Variants in BABAM2 observed in about 807,000 individuals in gnomAD.
BABAM2 encodes the protein BRISC and BRCA1-A complex member 2.
BABAM2 carries 31 observed loss-of-function variants against 54.7 expected under a neutral mutation model. That is an observed-to-expected ratio of 0.57 (90% confidence interval 0.43 to 0.77). BABAM2 has a LOEUF of 0.77. BABAM2 is among the 30% of genes least tolerant of loss of function. BABAM2 has a pLI of 0.00. For synonymous variants in BABAM2, 167 were observed against 162.9 expected (o/e 1.03, Z -0.19); for missense variants, 364 against 455.8 (o/e 0.80, Z 1.83).
rs150333563 is a variant in BABAM2, at chr2:28,296,321, C to G, written c.935-2017C>G. On this transcript the variant is annotated intron_variant, in intron 10 of 11. Transcript: ENST00000379624. The stretch of plus-strand genomic sequence containing the variant: ...TCGTATTGTTCCTCTATACTATGAA[C>G]TCTCTGCTTTGGCACCAACAGACAT... Among the ~76,000 whole-genome samples, 6 of 152,310 alleles carry G rather than the reference C, an allele frequency of 3.9e-5. No individual in the cohort carries two copies. In the South Asian group the frequency reaches 1.2e-3, roughly 32 times the overall value.
chr2:28,238,489 A>G (rs1682120910), intron 8 of BABAM2, among the ~76,000 whole-genome samples: 1 of 152,214 alleles, frequency 6.6e-6, no homozygotes, highest in Non-Finnish European at 1.5e-5. Context: ...TCACTTCTAT[A>G]TAGAAAATAG....
At chr2:28,188,856 A>T (rs370435416) in intron 7 of BABAM2, among the ~76,000 whole-genome samples, 4 of 152,208 alleles carry the variant, frequency 2.6e-5, no homozygotes, top group African/African-American at 9.7e-5. Flanking sequence ...TTGAACACAG[A>T]CTAGTTTCAA....
chr2:28,202,650 C>T (rs977327381), intron 7 of BABAM2, among the ~76,000 whole-genome samples: 3 of 152,062 alleles, frequency 2.0e-5, no homozygotes, highest in African/African-American at 7.2e-5. Context: ...TCATCACATG[C>T]AGCTGGGGGA....
chr2:28,026,002 T>C (rs530649934), intron 5 of BABAM2, among the ~76,000 whole-genome samples: 2 of 152,252 alleles, frequency 1.3e-5, no homozygotes, highest in South Asian at 4.1e-4. Context: ...AAACTCTATA[T>C]GGAGAAATGC....
At chr2:28,045,623 T>A in intron 5 of BABAM2, 102 bp from the exon 6 acceptor site, 2 of 896,980 alleles carry the variant, frequency 2.2e-6, no homozygotes, top group Non-Finnish European at 3.3e-6. Context: ...AAATTGAAGA[T>A]GCCTGCATTT....
At chr2:28,105,750 A>G (rs933003359) in intron 6 of BABAM2, among the ~76,000 whole-genome samples, 1 of 152,056 alleles carries the variant, frequency 6.6e-6, no homozygotes, top group Admixed American at 6.6e-5. Context: ...TCAAATCTTG[A>G]CTCCAGGATC....
chr2:28,271,024 A>T (rs10200649), intron 10 of BABAM2, among the ~76,000 whole-genome samples: 23,775 of 152,142 alleles, frequency 0.16, 2,356 homozygotes, highest in African/African-American at 0.28. Context: ...TGTGTACAGA[A>T]TATGTTCCAG....
At chr2:28,098,989 G>A (rs569613701) in intron 6 of BABAM2, among the ~76,000 whole-genome samples, 1 of 152,190 alleles carries the variant, frequency 6.6e-6, no homozygotes, top group East Asian at 1.9e-4. Flanking sequence ...CTATTAAAAG[G>A]CAGTTCCTCT....
At chr2:28,016,030 C>G in intron 4 of BABAM2, 1 of 640,284 alleles carries the variant, frequency 1.6e-6, no homozygotes, top group Non-Finnish European at 2.8e-6. Flanking sequence ...ATTATCCTTA[C>G]TGTCTGATTC....
At chr2:28,330,264 A>C (rs1690835720) in intron 11 of BABAM2, among the ~76,000 whole-genome samples, 1 of 152,208 alleles carries the variant, frequency 6.6e-6, no homozygotes, top group African/African-American at 2.4e-5. Flanking sequence ...TCCCCTTGAA[A>C]ACCAGCACAA....
intron 7 of BABAM2, among the ~76,000 whole-genome samples, chr2:28,223,664 T>G (rs1006410036): frequency 4.6e-5 from 7 of 152,168 alleles, no homozygotes; most frequent in African/African-American, 1.7e-4. Flanking sequence ...AAGGTAGAAC[T>G]GGGGCCAGGC....
intron 10 of BABAM2, among the ~76,000 whole-genome samples, chr2:28,263,512 A>G (rs1464683172): frequency 6.6e-6 from 1 of 152,246 alleles, no homozygotes; most frequent in Non-Finnish European, 1.5e-5. Flanking sequence ...GATAGGTTAC[A>G]GATAGGCTAC....
intron 11 of BABAM2, among the ~76,000 whole-genome samples, chr2:28,320,104 T>C (rs895956216): frequency 2.0e-5 from 3 of 152,240 alleles, no homozygotes; most frequent in African/African-American, 4.8e-5. Flanking sequence ...GAGCCAGCCA[T>C]ATGGGCAAAC....
At chr2:28,075,931 A>G (rs1664619215) in intron 6 of BABAM2, among the ~76,000 whole-genome samples, 2 of 151,838 alleles carry the variant, frequency 1.3e-5, no homozygotes, top group Admixed American at 1.3e-4. Flanking sequence ...AATATGTTGT[A>G]TATTGTAGTT....
intron 11 of BABAM2, chr2:28,309,953 T>A: frequency 9.8e-7 from 1 of 1,020,038 alleles, no homozygotes; most frequent in Non-Finnish European, 1.5e-6. Context: ...CTCCTGGGCC[T>A]TTTCCTTATG....
At chr2:27,953,309 G>C (rs1669871702) in intron 3 of BABAM2, among the ~76,000 whole-genome samples, 1 of 152,110 alleles carries the variant, frequency 6.6e-6, no homozygotes, top group African/African-American at 2.4e-5. Flanking sequence ...AGGCTCCCAA[G>C]TAGCTGGGGT....
chr2:27,898,752 CAGAA>C lies in BABAM2; in HGVS notation c.128+4071_128+4074del, dbSNP rs146931220. Among the ~76,000 whole-genome samples, 781 of 152,094 alleles carry C rather than the reference CAGAA, an allele frequency of 5.1e-3. 5 individuals are homozygous for C. The highest frequency in any genetic ancestry group is 0.018 in the African/African-American group (737 of 41,468). ...TCTAGAATAGGCTAATCCATAGAGA[CAGAA>C]AGTAAATTAGTGGGTGCCAGAGGCT... On this transcript the variant is annotated intron_variant, in intron 2 of 11. Coordinates refer to ENST00000379624, the MANE Select transcript of BABAM2 (RefSeq NM_199191.3).
intron 7 of BABAM2, among the ~76,000 whole-genome samples, chr2:28,208,939 T>C (rs1468220980): frequency 6.6e-6 from 1 of 152,146 alleles, no homozygotes; most frequent in African/African-American, 2.4e-5. Flanking sequence ...CCTTGGAAAT[T>C]GGAAGCATGG....
chr2:28,240,884 AACAAAAAAAAC>A (rs1028313207), intron 8 of BABAM2, among the ~76,000 whole-genome samples: 2 of 151,016 alleles, frequency 1.3e-5, no homozygotes, highest in African/African-American at 2.4e-5. Context: ...AAAAAAAAAA[AACAAAAAAAAC>A]CCATTTATTT....
Sources: allele counts gnomAD v4.1 joint callset (sites outside exome capture counted in the v4.1 genomes callset), GRCh38; gene constraint gnomAD v4.1.1; transcripts MANE v1.5; gene names NCBI Gene and HGNC (gene_info 2026-07-23, HGNC 2026-07-21).